Variants in RAB3GAP1 observed in about 807,000 individuals in gnomAD.
RAB3GAP1 encodes the protein rab3 GTPase-activating protein catalytic subunit.
RAB3GAP1 carries 86 observed loss-of-function variants against 130.7 expected under a neutral mutation model. That is an observed-to-expected ratio of 0.66 (90% confidence interval 0.55 to 0.79). The LOEUF is 0.79. Among genes scored for constraint, RAB3GAP1 ranks in the 30% least tolerant of loss-of-function variants. The pLI is 0.00. For synonymous variants in RAB3GAP1, 367 were observed against 401.7 expected, an observed-to-expected ratio of 0.91 and a Z score of 1.03; for missense variants, 1,029 against 1,169.4, an observed-to-expected ratio of 0.88 and a Z score of 1.75.
chr2:135,069,234 T>C (rs568146964), intron 3 of RAB3GAP1, among the ~76,000 whole-genome samples: 2 of 152,224 alleles, frequency 1.3e-5, no homozygotes, highest in South Asian at 2.1e-4. Context: ...GTATAAGATA[T>C]GCAGTGTAAA....
At position 135,124,229 on chromosome 2, in the gene RAB3GAP1, C is replaced by T; in HGVS notation, c.813C>T (p.Ala271=). The T allele has an allele frequency of 6.2e-7, 1 of 1,614,014 alleles. No individual in the cohort carries two copies. Among genetic ancestry groups the T allele is most frequent in the Non-Finnish European group, 8.5e-7 (1 of 1,179,876 alleles). Residue 271 remains alanine (A), a synonymous_variant, in exon 9 of 24, where the codon GCC becomes GCT. Coordinates refer to ENST00000264158, the MANE Select transcript of RAB3GAP1 (RefSeq NM_012233.3). The stretch of plus-strand genomic sequence containing the variant: ...AGTTTGGCAAGTTACCATTTGGTGC[C>T]TGCGAAGATCCTATTAGGTGAGAAT... ...GLEFGKLPFG[A]CEDPISELHL...
At chr2:135,154,788 AGGAGT>A (rs982440141) in intron 19 of RAB3GAP1, among the ~76,000 whole-genome samples, 3 of 152,152 alleles carry the variant, frequency 2.0e-5, no homozygotes, top group African/African-American at 7.2e-5. Context: ...TATACAAAGA[AGGAGT>A]GGATGGGAAT....
At chr2:135,076,395 TATAAC>T (rs1259601069) in intron 3 of RAB3GAP1, among the ~76,000 whole-genome samples, 4 of 152,318 alleles carry the variant, frequency 2.6e-5, no homozygotes, top group South Asian at 2.1e-4. Context: ...TTTTTTCTAA[TATAAC>T]AGACTAAAAC....
intron 23 of RAB3GAP1, chr2:135,165,001 GA>G: frequency 5.1e-6 from 2 of 391,580 alleles, no homozygotes; most frequent in Non-Finnish European, 1.0e-5. Flanking sequence ...TGTGCTGTGG[GA>G]AAAAATGTTT....
At chr2:135,141,228 CTT>C (rs1553447802) in intron 17 of RAB3GAP1, among the ~76,000 whole-genome samples, 10 of 132,386 alleles carry the variant, frequency 7.6e-5, no homozygotes, top group Non-Finnish European at 1.1e-4. Flanking sequence ...TCACTTACTT[CTT>C]TTTTTTTTTT....
intron 5 of RAB3GAP1, among the ~76,000 whole-genome samples, chr2:135,108,217 T>G (rs546420462): frequency 6.6e-6 from 1 of 152,240 alleles, no homozygotes; most frequent in South Asian, 2.1e-4. Flanking sequence ...AAATATAGTA[T>G]TTAGTATACA....
chr2:135,055,479 A>G (rs1688982455), intron 2 of RAB3GAP1, among the ~76,000 whole-genome samples: 1 of 152,136 alleles, frequency 6.6e-6, no homozygotes, highest in Non-Finnish European at 1.5e-5. Context: ...GGAGTTCAAG[A>G]GGAGCTGGGG....
intron 3 of RAB3GAP1, among the ~76,000 whole-genome samples, chr2:135,062,784 G>C (rs1260376564): frequency 6.6e-6 from 1 of 152,124 alleles, no homozygotes; most frequent in African/African-American, 2.4e-5. Flanking sequence ...GTTGTATGAT[G>C]CAAAAATAAA....
chr2:135,058,342 G>T (rs954999756), intron 3 of RAB3GAP1: 1 of 259,088 alleles, frequency 3.9e-6, no homozygotes, highest in African/African-American at 2.3e-5. Context: ...CATTCTTTGT[G>T]AGTGATTCTT....
chr2:135,094,759 T>G (rs1482176929), intron 5 of RAB3GAP1, among the ~76,000 whole-genome samples: 1 of 152,226 alleles, frequency 6.6e-6, no homozygotes, highest in Non-Finnish European at 1.5e-5. Flanking sequence ...GTTCAGTTTG[T>G]TTGTTTTTTT....
In RAB3GAP1 at chr2:135,093,576, T is replaced by C. The variant is rs915746125; in HGVS notation, c.284-39T>C. The C allele has an allele frequency of 2.0e-6, 3 of 1,485,338 alleles. No individual in the cohort carries two copies. In the African/African-American group the frequency reaches 4.1e-5, roughly 21 times the overall value. 92.0% of individuals were successfully genotyped at this position (1,485,338 alleles called of 1,614,324 possible). On this transcript the variant is annotated intron_variant, in intron 4 of 23. Coordinates refer to ENST00000264158, the MANE Select transcript of RAB3GAP1 (RefSeq NM_012233.3). ...CATGTTATAAAACTCTGCCTGATCA[T>C]GAACATACTAACTTTTTCATTATCA... is the stretch of plus-strand genomic sequence containing the variant.
rs550277059 is a variant in RAB3GAP1, at chr2:135,119,039, C to T, written c.649-1780C>T. On this transcript the variant is annotated intron_variant, in intron 7 of 23. Transcript: ENST00000264158. Reference sequence around the variant, plus strand: ...TCCTCCAGGGTCCACAAAGATATTTCCATCATTTTTCATCCTAATCCTTCC... The same window carrying T: ...TCCTCCAGGGTCCACAAAGATATTTTCATCATTTTTCATCCTAATCCTTCC... Among the ~76,000 whole-genome samples, 11 of 152,106 alleles carry T rather than the reference C, an allele frequency of 7.2e-5. No homozygotes were observed. In the South Asian group the frequency reaches 2.3e-3, roughly 32 times the overall value.
At chr2:135,059,188 G>T (rs1277460183) in intron 3 of RAB3GAP1, 1 of 152,158 alleles carries the variant, frequency 6.6e-6, no homozygotes, top group Admixed American at 6.5e-5. Flanking sequence ...TAAAGAAAAT[G>T]TGACGCTTTC....
chr2:135,099,331 A>C (rs1690385903), intron 5 of RAB3GAP1, among the ~76,000 whole-genome samples: 1 of 151,962 alleles, frequency 6.6e-6, no homozygotes, highest in African/African-American at 2.4e-5. Flanking sequence ...TATTTTCTTT[A>C]GATTTTTAAT....
At chr2:135,120,174 A>C (rs952718265) in intron 7 of RAB3GAP1, among the ~76,000 whole-genome samples, 2 of 152,178 alleles carry the variant, frequency 1.3e-5, no homozygotes, top group Admixed American at 1.3e-4. Flanking sequence ...TTTTTTTCAC[A>C]TTTAATATGT....
intron 5 of RAB3GAP1, 57 bp from the exon 6 acceptor site, chr2:135,113,094 A>G (rs995474031): frequency 6.2e-7 from 1 of 1,611,746 alleles, no homozygotes; most frequent in Non-Finnish European, 8.5e-7. Context: ...TTTTCAAGTA[A>G]TGGATTTTTG....
intron 3 of RAB3GAP1, among the ~76,000 whole-genome samples, chr2:135,088,115 A>G (rs1416517689): frequency 2.6e-5 from 4 of 152,184 alleles, no homozygotes; most frequent in African/African-American, 7.2e-5. Context: ...AAGGTTGACA[A>G]TAGTACCGGA....
At chr2:135,142,135 A>G (rs1285583335) in intron 17 of RAB3GAP1, among the ~76,000 whole-genome samples, 1 of 152,202 alleles carries the variant, frequency 6.6e-6, no homozygotes, top group Non-Finnish European at 1.5e-5. Context: ...TTGTAGATCA[A>G]TTTATGGAGA....
At chr2:135,118,278 TAAAAA>T (rs370610271) in intron 7 of RAB3GAP1, among the ~76,000 whole-genome samples, 1 of 149,492 alleles carries the variant, frequency 6.7e-6, no homozygotes. Context: ...TAGCAGTAGT[TAAAAA>T]AAAAAGTTTT....
Sources: gnomAD v4.1 joint callset for allele counts (sites outside exome capture counted in the v4.1 genomes callset) on GRCh38, gnomAD v4.1.1 for gene constraint, MANE v1.5 for transcripts, NCBI Gene and HGNC (gene_info 2026-07-23, HGNC 2026-07-21) for gene names.